NXN: variants seen among roughly 807,000 people sequenced by gnomAD.
NXN encodes the protein nucleoredoxin.
In NXN, 16 loss-of-function variants were observed where a neutral mutation model predicts 48.6. The observed-to-expected ratio is 0.33, with a 90% confidence interval of 0.22 to 0.50. The LOEUF is 0.50. NXN is among the 20% of genes least tolerant of loss of function. The pLI is 0.98. For synonymous variants in NXN, 281 were observed against 269.6 expected (o/e 1.04, Z -0.41); for missense variants, 492 against 605.5 (o/e 0.81, Z 1.97).
At chr17:829,334 T>A (rs1913319061) in intron 1 of NXN, among the ~76,000 whole-genome samples, 1 of 151,836 alleles carries the variant, frequency 6.6e-6, no homozygotes, top group African/African-American at 2.4e-5. Context: ...TTTCTATTTT[T>A]AGTAGAGATC....
At chr17:914,768 A>G (rs1003746223) in intron 1 of NXN, among the ~76,000 whole-genome samples, 1 of 152,114 alleles carries the variant, frequency 6.6e-6, no homozygotes, top group African/African-American at 2.4e-5. Context: ...GGGAAGCAAG[A>G]CTGTTGGGTG....
chr17:895,647 C>A (rs1327456952), intron 1 of NXN, among the ~76,000 whole-genome samples: 3 of 38,942 alleles, frequency 7.7e-5, no homozygotes, highest in East Asian at 8.0e-4. Flanking sequence ...CCCGTCTCTA[C>A]TTAAAATACA....
intron 1 of NXN, among the ~76,000 whole-genome samples, chr17:893,470 G>A (rs1207358735): frequency 6.6e-6 from 1 of 152,216 alleles, no homozygotes; most frequent in Non-Finnish European, 1.5e-5. Flanking sequence ...CCATCGCTCA[G>A]TAGCGTGACA....
At chr17:840,421 G>C (rs1230869847) in intron 1 of NXN, among the ~76,000 whole-genome samples, 1 of 151,718 alleles carries the variant, frequency 6.6e-6, no homozygotes, top group Non-Finnish European at 1.5e-5. Flanking sequence ...CTCATTGCAA[G>C]CTCCACCTCC....
chr17:815,793 G>C (rs1233234980), intron 5 of NXN, among the ~76,000 whole-genome samples: 1 of 152,194 alleles, frequency 6.6e-6, no homozygotes, highest in African/African-American at 2.4e-5. Flanking sequence ...CGTGCCTCCG[G>C]ATCATGTGTG....
chr17:838,776 A>C (rs1282654920), intron 1 of NXN, among the ~76,000 whole-genome samples: 1 of 152,190 alleles, frequency 6.6e-6, no homozygotes, highest in East Asian at 1.9e-4. Flanking sequence ...TGAATCTTCA[A>C]ACACACTGAA....
chr17:900,913 C>CTTTATTTT (rs2068531340), intron 1 of NXN, among the ~76,000 whole-genome samples: 1 of 75,880 alleles, frequency 1.3e-5, no homozygotes, highest in African/African-American at 5.3e-5. Flanking sequence ...GATCTGCATT[C>CTTTATTTT]TTTTTTTTTT....
chr17:895,996 G>A (rs2068480362), intron 1 of NXN, among the ~76,000 whole-genome samples: 2 of 151,792 alleles, frequency 1.3e-5, no homozygotes, highest in Admixed American at 1.3e-4. Flanking sequence ...ATTGTTTGAG[G>A]CCAAGAGTTC....
At position 932,040 on chromosome 17, in the gene NXN, A is replaced by T. The variant is rs1231914783; in HGVS notation, c.360+47279T>A. On this transcript the variant is annotated intron_variant, in intron 1 of 7. Coordinates refer to ENST00000336868, the MANE Select transcript of NXN (RefSeq NM_022463.5). The surrounding 1 kb of genome is among the most constrained non-coding windows in gnomAD (Gnocchi z 4.1). Reference sequence around the variant, plus strand: ...GTGCCTATAATCCCAGCTAATGGGGAGGCTGAGGCAGGAGAATCGCTTGAA... The same window carrying T: ...GTGCCTATAATCCCAGCTAATGGGGTGGCTGAGGCAGGAGAATCGCTTGAA... Among the ~76,000 whole-genome samples the T allele has an allele frequency of 6.6e-6, 1 of 151,116 alleles. No homozygotes were observed.
At position 979,369 on chromosome 17, in the gene NXN, C is replaced by G. The variant is rs1200701118; in HGVS notation, c.310G>C (p.Val104Leu). Residue 104 changes from valine to leucine, a missense_variant, in exon 1 of 8, where the codon GTG becomes CTG. By Grantham distance (32) the Val-to-Leu change is conservative. Coordinates refer to ENST00000336868, the MANE Select transcript of NXN (RefSeq NM_022463.5). ...DQDQRQWQDF[V>L]RDMPWLALPY... is the part of the protein sequence containing the mutation. Reference sequence around the variant, plus strand: ...AGCGCCAGCCACGGCATGTCCCGCACGAAGTCCTGCCACTGCCGCTGGTCC... The same window carrying G: ...AGCGCCAGCCACGGCATGTCCCGCAGGAAGTCCTGCCACTGCCGCTGGTCC... The G allele has an allele frequency of 1.3e-6, 2 of 1,532,382 alleles. No individual in the cohort carries two copies. Among genetic ancestry groups the G allele is most frequent in the African/African-American group, 1.5e-5 (1 of 68,634 alleles). 94.9% of individuals were successfully genotyped at this position (1,532,382 alleles called of 1,614,324 possible). A position where few individuals can be genotyped will look rare whatever the true frequency, so the allele number is the denominator to read the frequency against.
intron 1 of NXN, among the ~76,000 whole-genome samples, chr17:962,554 A>C (rs191869575): frequency 2.6e-4 from 40 of 152,240 alleles, no homozygotes; most frequent in African/African-American, 9.1e-4. Flanking sequence ...AAAATAAATA[A>C]ATAAATATTA....
intron 6 of NXN, 130 bp from the exon 7 acceptor site, chr17:803,936 TC>T (rs1378910091): frequency 4.3e-6 from 5 of 1,172,858 alleles, no homozygotes; most frequent in Non-Finnish European, 6.1e-6. Context: ...GAAATGAACT[TC>T]CCCTTGGATG....
At chr17:832,926 T>A (rs987387686) in intron 1 of NXN, among the ~76,000 whole-genome samples, 2 of 152,274 alleles carry the variant, frequency 1.3e-5, no homozygotes, top group South Asian at 2.1e-4. Context: ...GGAGTCTCGC[T>A]GTCCCCCAGG....
intron 1 of NXN, 112 bp downstream of exon 1, chr17:979,207 C>A (rs2069503140): frequency 2.8e-6 from 1 of 361,306 alleles, no homozygotes; most frequent in South Asian, 3.6e-5. Context: ...GGGTGGAGGG[C>A]GGGCAGGGGG....
chr17:977,297 T>A (rs532204548), intron 1 of NXN, among the ~76,000 whole-genome samples: 1 of 152,192 alleles, frequency 6.6e-6, no homozygotes, highest in East Asian at 1.9e-4. Context: ...ATGTTTAAGA[T>A]GCTAACGCAC....
chr17:811,920 CTTTTTTT>C lies in NXN; in HGVS notation c.821-6680_821-6674del, dbSNP rs34383551. On this transcript the variant is annotated intron_variant, in intron 5 of 7. Transcript: ENST00000336868. ...CGGGTTGTGCGGTTACCCAGTTCTG[CTTTTTTT>C]TTTTTTTTTTTTTTTTTTGAGACGG... 1.4e-4 allele frequency among the ~76,000 whole-genome samples: 10 copies of C among 73,174 alleles called. No individual in the cohort carries two copies. In the Admixed American group the frequency reaches 1.8e-3, roughly 13 times the overall value. 48.0% of individuals were successfully genotyped at this position (73,174 alleles called of 152,430 possible).
chr17:900,921 T>TC (rs888255517), intron 1 of NXN, among the ~76,000 whole-genome samples: 8 of 146,912 alleles, frequency 5.4e-5, no homozygotes, highest in Non-Finnish European at 1.2e-4. Context: ...TTCTTTTTTT[T>TC]TTTTTTTTTT....
intron 1 of NXN, among the ~76,000 whole-genome samples, chr17:890,617 G>A (rs531480796): frequency 1.3e-5 from 2 of 151,960 alleles, no homozygotes; most frequent in East Asian, 1.9e-4. Flanking sequence ...TCCTGACCTC[G>A]TGATCCGCCC....
At chr17:927,975 C>T (rs1202476203) in intron 1 of NXN, among the ~76,000 whole-genome samples, 2 of 151,796 alleles carry the variant, frequency 1.3e-5, no homozygotes, top group Non-Finnish European at 2.9e-5. Flanking sequence ...TGGTCATTAG[C>T]AAAGAGAGGC....
Sources: allele counts gnomAD v4.1 joint callset (sites outside exome capture counted in the v4.1 genomes callset), GRCh38; gene constraint gnomAD v4.1.1; non-coding constraint Gnocchi (gnomAD v3.1); transcripts MANE v1.5; gene names NCBI Gene and HGNC (gene_info 2026-07-23, HGNC 2026-07-21).